The following CASC3 variants were observed in gnomAD, a reference collection of about 807,000 sequenced individuals.
The protein encoded by CASC3 is protein CASC3.
Under a neutral mutation model 80.5 loss-of-function variants are expected in CASC3, and 30 were observed. The observed-to-expected ratio is 0.37, with a 90% CI of 0.28 to 0.51. The LOEUF (loss-of-function observed/expected upper bound fraction) is 0.51. Among genes scored for constraint, CASC3 ranks in the 20% least tolerant of loss-of-function variants. CASC3 has a pLI of 0.94. For synonymous variants in CASC3, 312 were observed against 333.6 expected, an observed-to-expected ratio of 0.94 and a Z score of 0.70; for missense variants, 824 against 922.2, an observed-to-expected ratio of 0.89 and a Z score of 1.38.
chr17:40,154,938 G>T (rs547493203), intron 3 of CASC3, among the ~76,000 whole-genome samples: 6 of 152,296 alleles, frequency 3.9e-5, no homozygotes, highest in African/African-American at 1.4e-4. Context: ...CACCCAGGCT[G>T]GAGTGCAGTG....
At chr17:40,152,413 C>T (rs926524034) in intron 3 of CASC3, among the ~76,000 whole-genome samples, 1 of 151,992 alleles carries the variant, frequency 6.6e-6, no homozygotes, top group Non-Finnish European at 1.5e-5. Context: ...CCTCTGCCTC[C>T]TGGGTTCAAG....
At chr17:40,154,661 G>A (rs922383604) in intron 3 of CASC3, among the ~76,000 whole-genome samples, 1 of 151,844 alleles carries the variant, frequency 6.6e-6, no homozygotes, top group Non-Finnish European at 1.5e-5. Context: ...TCTTTATAGT[G>A]TTCTTTCAAG....
intron 3 of CASC3, among the ~76,000 whole-genome samples, chr17:40,155,083 G>A (rs1192466107): frequency 6.6e-6 from 1 of 151,210 alleles, no homozygotes; most frequent in African/African-American, 2.4e-5. Flanking sequence ...TAGAGATGGG[G>A]TTTCACCGTG....
chr17:40,169,007 G>A (rs1989524288), intron 11 of CASC3: 1 of 274,492 alleles, frequency 3.6e-6, no homozygotes, highest in Non-Finnish European at 6.8e-6. Flanking sequence ...CCCTACCTCT[G>A]TCCTGCTTAA....
chr17:40,162,200 T>C (rs368539416), intron 5 of CASC3, 47 bp downstream of exon 5: 1 of 1,572,380 alleles, frequency 6.4e-7, no homozygotes, highest in African/African-American at 1.4e-5. Context: ...ATTTTACACA[T>C]GTAGGCCAGG....
chr17:40,152,676 A>G (rs558092457), intron 3 of CASC3, among the ~76,000 whole-genome samples: 1 of 152,194 alleles, frequency 6.6e-6, no homozygotes, highest in Admixed American at 6.6e-5. Flanking sequence ...TGTATTGCCC[A>G]GGCTGGTCTT....
intron 6 of CASC3, 100 bp downstream of exon 6, chr17:40,163,001 G>A (rs988754618): frequency 7.9e-6 from 8 of 1,009,848 alleles, no homozygotes; most frequent in African/African-American, 1.6e-5. Flanking sequence ...CAGGAGGATT[G>A]CTTGAGGCCA....
intron 3 of CASC3, among the ~76,000 whole-genome samples, chr17:40,154,761 C>T (rs940377304): frequency 3.3e-5 from 5 of 152,068 alleles, no homozygotes; most frequent in African/African-American, 1.2e-4. Context: ...AGTCATTTGC[C>T]AAACTGAGAG....
At chr17:40,145,689 C>T (rs1009370846) in intron 3 of CASC3, among the ~76,000 whole-genome samples, 1 of 151,766 alleles carries the variant, frequency 6.6e-6, no homozygotes, top group African/African-American at 2.4e-5. Flanking sequence ...TCACTGTACT[C>T]CAGCCTGGGC....
intron 1 of CASC3, 149 bp from the exon 2 acceptor site, chr17:40,141,058 T>G: frequency 2.6e-6 from 2 of 761,456 alleles, no homozygotes; most frequent in Non-Finnish European, 4.5e-6. Context: ...CAGACCTGCC[T>G]TGGCTACTAC....
Position 40,167,877 on chromosome 17 carries a change from A to T in CASC3, c.1679A>T (p.His560Leu), listed in dbSNP as rs760080635. ...PLQFQGPIYT[H>L]GDSPAPLPPQ... ...CAGTTCCAGGGACCAATCTATACCCATGGTGACAGCCCTGCCCCGCTGCCT... is the reference window on the plus strand; with the variant it reads ...CAGTTCCAGGGACCAATCTATACCCTTGGTGACAGCCCTGCCCCGCTGCCT... Residue 560 changes from histidine (H) to leucine (L), a missense_variant, in exon 10 of 14, where the codon CAT becomes CTT. Around this residue, in one of 3 missense-constraint regions of CASC3, gnomAD observed 464 missense variants for 506.0 expected, o/e 0.92. Transcript: ENST00000264645. 3.1e-6 allele frequency: 5 copies of T among 1,614,164 alleles called. No homozygotes were observed. Among genetic ancestry groups the T allele is most frequent in the Non-Finnish European group, 4.2e-6 (5 of 1,180,004 alleles).
At chr17:40,169,709 C>A in intron 13 of CASC3, 47 bp downstream of exon 13, 1 of 482,804 alleles carries the variant, frequency 2.1e-6, no homozygotes, top group Non-Finnish European at 3.4e-6. Flanking sequence ...AATGCTCACA[C>A]TTGCTTAATA....
At chr17:40,156,728 G>A (rs1989155800) in intron 3 of CASC3, among the ~76,000 whole-genome samples, 1 of 151,866 alleles carries the variant, frequency 6.6e-6, no homozygotes, top group Admixed American at 6.6e-5. Flanking sequence ...TTGACCTTTG[G>A]ACAACATGGG....
rs538919948 is a variant in CASC3 at position 40,141,031 on chromosome 17, G to A, written c.232-176G>A. ...GCGGATGTTTTATTCAGAAGTCGGGGCTGGAGGGAAGGAGACCAGACCTGC... is the reference window on the plus strand; with the variant it reads ...GCGGATGTTTTATTCAGAAGTCGGGACTGGAGGGAAGGAGACCAGACCTGC... On this transcript the variant is annotated intron_variant, in intron 1 of 13. Coordinates refer to ENST00000264645, the MANE Select transcript of CASC3 (RefSeq NM_007359.5). The A allele has an allele frequency of 2.4e-5, 16 of 666,602 alleles. No homozygotes were observed. The Admixed American group carries it at 3.6e-4, about 15-fold the overall frequency. The allele number at this position is 666,602 out of a possible 1,614,324, so 41.3% of individuals were successfully genotyped here.
At position 40,166,848 on chromosome 17, in the gene CASC3, G is replaced by A. The variant is rs780156915; in HGVS notation, c.1523G>A (p.Arg508Gln). ...GCAGGACCTCCACCTCAGTTTAACC[G>A]GATGGAAGAAATGGTACAGAAGGGG... ...MGAGPPPQFN[R>Q]MEEMGVQGGR... Residue 508 changes from arginine (R) to glutamine (Q), a missense_variant, in exon 8 of 14, where the codon CGG (arginine) becomes CAG (glutamine). By Grantham distance (43) the Arg-to-Gln change is conservative. Transcript: ENST00000264645. 32 of 1,607,002 alleles carry A rather than the reference G, an allele frequency of 2.0e-5. No homozygotes were observed. Among genetic ancestry groups the A allele is most frequent in the East Asian group, 6.7e-5 (3 of 44,608 alleles).
At chr17:40,167,755 A>G in intron 9 of CASC3, 95 bp from the exon 10 acceptor site, 1 of 1,313,806 alleles carries the variant, frequency 7.6e-7, no homozygotes, top group Non-Finnish European at 1.1e-6. Context: ...TTCGCATGGA[A>G]TATTGAGAAC....
chr17:40,151,800 C>G (rs762720138), intron 3 of CASC3, among the ~76,000 whole-genome samples: 12 of 151,596 alleles, frequency 7.9e-5, no homozygotes, highest in Non-Finnish European at 1.8e-4. Flanking sequence ...TTTTCCTATT[C>G]TGGCCTTTCA....
chr17:40,142,655 C>G (rs571322507), intron 3 of CASC3, among the ~76,000 whole-genome samples: 1 of 151,992 alleles, frequency 6.6e-6, no homozygotes, highest in Non-Finnish European at 1.5e-5. Context: ...TTGTGAGGCC[C>G]AGGCGGGCGG....
chr17:40,143,490 A>G (rs1181798001), intron 3 of CASC3, among the ~76,000 whole-genome samples: 1 of 152,072 alleles, frequency 6.6e-6, no homozygotes, highest in East Asian at 1.9e-4. Flanking sequence ...AGAATTTCAT[A>G]TTTGCAACAT....
Sources: gnomAD v4.1 joint callset for allele counts (sites outside exome capture counted in the v4.1 genomes callset) on GRCh38, gnomAD v4.1.1 for gene constraint, gnomAD v4.1.1 regional missense constraint, MANE v1.5 for transcripts, NCBI Gene and HGNC (gene_info 2026-07-23, HGNC 2026-07-21) for gene names.